ZNF789: variants seen among roughly 807,000 people sequenced by gnomAD.
ZNF789 encodes the protein zinc finger protein 789.
A neutral mutation model predicts 15.6 loss-of-function variants in ZNF789; 11 were observed. The observed-to-expected ratio is 0.70, with a 90% CI of 0.44 to 1.16. The LOEUF (loss-of-function observed/expected upper bound fraction) is 1.16, where lower values mean the gene tolerates loss of function less well. Ranked by LOEUF, ZNF789 falls within the 50% of genes most tolerant of loss-of-function variation. The pLI is 0.00. For missense variants in ZNF789, 461 were observed against 512.6 expected, an observed-to-expected ratio of 0.90 and a Z score of 0.97; for synonymous variants, 159 against 176.0, an observed-to-expected ratio of 0.90 and a Z score of 0.76.
In ZNF789 at chr7:99,484,128, G is replaced by C. The variant is rs141990082; in HGVS notation, c.250G>C (p.Gly84Arg). The C allele has an allele frequency of 6.2e-7, 1 of 1,613,824 alleles. No individual in the cohort carries two copies. The highest frequency in any genetic ancestry group is 1.3e-5 in the African/African-American group (1 of 74,878). ...LPRTGNRKAS[G>R]SACPGSEARH... ...GAGAACTGGGAATAGGAAGGCTTCC[G>C]GTAGTGCTTGCCCAGGTGGGTGAGG... The change falls in exon 4 of 5, where the codon GGT becomes CGT. Residue 84 changes from glycine (G) to arginine (R), a missense_variant. Transcript: ENST00000331410.
intron 3 of ZNF789, among the ~76,000 whole-genome samples, chr7:99,482,779 C>T (rs905481410): frequency 6.6e-6 from 1 of 151,948 alleles, no homozygotes; most frequent in African/African-American, 2.4e-5. Flanking sequence ...CACTTGAACC[C>T]GGGAGGCGGA....
Position 99,487,308 on chromosome 7 carries a change from G to A in ZNF789, c.1098G>A (p.Glu366=). 1 of 1,614,196 alleles carries A rather than the reference G, an allele frequency of 6.2e-7. No homozygotes were observed. The highest frequency in any genetic ancestry group is 8.5e-7 in the Non-Finnish European group (1 of 1,180,030). ...AGCATCAAAGAATCCATACAAAGGAGGAATTCTTTCAATGTGGAGAATGTG... is the reference window on the plus strand; with the variant it reads ...AGCATCAAAGAATCCATACAAAGGAAGAATTCTTTCAATGTGGAGAATGTG... ...LIQHQRIHTK[E]EFFQCGECGK... The change falls in exon 5 of 5, where the codon GAG becomes GAA. Residue 366 remains glutamate, a synonymous_variant. Coordinates refer to ENST00000331410, the MANE Select transcript of ZNF789 (RefSeq NM_213603.3).
At position 99,484,023 on chromosome 7, in the gene ZNF789, T is replaced by C; in HGVS notation, c.152-7T>C. 1.2e-6 allele frequency: 2 copies of C among 1,612,806 alleles called. No individual in the cohort carries two copies. The highest frequency in any genetic ancestry group is 1.7e-6 in the Non-Finnish European group (2 of 1,178,866). ...CGGCCACATCCCATTTACTTCCCCA[T>C]GAGTAGGATTTCAGTTTCCCAAACC... On this transcript the variant is annotated splice_region_variant and splice_polypyrimidine_tract_variant and intron_variant, in intron 3 of 4. Coordinates refer to ENST00000331410, the MANE Select transcript of ZNF789 (RefSeq NM_213603.3).
chr7:99,484,074 T>G lies in ZNF789; in HGVS notation c.196T>G (p.Trp66Gly). Residue 66 changes from tryptophan to glycine, a missense_variant, in exon 4 of 5, where the codon TGG (tryptophan) becomes GGG (glycine). Trp to Gly is a radical substitution (Grantham distance 184, BLOSUM62 -2). Transcript: ENST00000331410. Reference sequence around the variant, plus strand: ...TGAGATGATCTGTCAGCTGGAGAACTGGGACGAGCAGTGGATCCTGGATCT... The same window carrying G: ...TGAGATGATCTGTCAGCTGGAGAACGGGGACGAGCAGTGGATCCTGGATCT... The part of the protein sequence containing the change: ...KPEMICQLEN[W>G]DEQWILDLPR... 1 of 1,614,092 alleles carries G rather than the reference T, an allele frequency of 6.2e-7. No homozygotes were observed. The highest frequency in any genetic ancestry group is 8.5e-7 in the Non-Finnish European group (1 of 1,180,024).
At chr7:99,483,947 C>T (rs1799775680) in intron 3 of ZNF789, 83 bp from the exon 4 acceptor site, 1 of 1,054,828 alleles carries the variant, frequency 9.5e-7, no homozygotes, top group Non-Finnish European at 1.5e-6. Flanking sequence ...GATTATTGTC[C>T]TTATCTCTGC....
intron 4 of ZNF789, chr7:99,485,255 A>G: frequency 6.5e-7 from 1 of 1,528,358 alleles, no homozygotes; most frequent in Non-Finnish European, 8.8e-7. Flanking sequence ...GGCACTACTG[A>G]CGTTTTGGGC....
intron 3 of ZNF789, chr7:99,482,375 T>C (rs1799685916): frequency 6.1e-6 from 4 of 650,700 alleles, no homozygotes; most frequent in Admixed American, 2.4e-5. Context: ...ATTAACTGTG[T>C]GTTGTGCACC....
chr7:99,483,406 G>A (rs1799749063), intron 3 of ZNF789, among the ~76,000 whole-genome samples: 1 of 152,058 alleles, frequency 6.6e-6, no homozygotes, highest in African/African-American at 2.4e-5. Flanking sequence ...AAGGCGGGTG[G>A]ATCACCTGAG....
At chr7:99,475,319 C>A (rs1227366617) in intron 1 of ZNF789, among the ~76,000 whole-genome samples, 1 of 151,942 alleles carries the variant, frequency 6.6e-6, no homozygotes, top group Non-Finnish European at 1.5e-5. Flanking sequence ...CGCTTGAACC[C>A]AGGAGGCGGA....
In ZNF789 at chr7:99,472,905, G is replaced by A. The variant is rs1484743859; in HGVS notation, c.-206G>A. On this transcript the variant is annotated 5_prime_UTR_variant, in exon 1 of 5. Transcript: ENST00000331410. ...AGGTGGAGCCAGCGAGAGGCTCTGA[G>A]GCTGCCAGAGTGGTTGTGTCTGTTC... The A allele has an allele frequency of 6.6e-6, 1 of 152,404 alleles. No homozygotes were observed. The highest frequency in any genetic ancestry group is 2.4e-5 in the African/African-American group (1 of 41,480). The allele number at this position is 152,404 out of a possible 1,614,324, so 9.4% of individuals were successfully genotyped here. A position where few individuals can be genotyped will look rare whatever the true frequency, so the allele number is the denominator to read the frequency against.
intron 3 of ZNF789, among the ~76,000 whole-genome samples, chr7:99,482,516 TACAC>T (rs1010884375): frequency 6.6e-6 from 1 of 152,022 alleles, no homozygotes; most frequent in African/African-American, 2.4e-5. Flanking sequence ...TAATTACTTA[TACAC>T]ACACACACAT....
At chr7:99,479,050 G>C (rs901011809) in intron 2 of ZNF789, 1 of 152,548 alleles carries the variant, frequency 6.6e-6, no homozygotes, top group African/African-American at 2.4e-5. Flanking sequence ...TACCCCTTCA[G>C]ACCTAGCAGG....
Position 99,484,118 on chromosome 7 carries a change from G to T in ZNF789, c.240G>T (p.Arg80Ser). Residue 80 changes from arginine (R) to serine (S), a missense_variant, in exon 4 of 5, where the codon AGG becomes AGT. Physicochemically the swap from Arg to Ser is moderately radical, Grantham distance 110. Coordinates refer to ENST00000331410, the MANE Select transcript of ZNF789 (RefSeq NM_213603.3). Reference sequence around the variant, plus strand: ...TGGATCTACCGAGAACTGGGAATAGGAAGGCTTCCGGTAGTGCTTGCCCAG... The same window carrying T: ...TGGATCTACCGAGAACTGGGAATAGTAAGGCTTCCGGTAGTGCTTGCCCAG... ...WILDLPRTGN[R>S]KASGSACPGS... is the part of the protein sequence containing the mutation. The T allele has an allele frequency of 6.2e-7, 1 of 1,614,008 alleles. No individual in the cohort carries two copies. Among genetic ancestry groups the T allele is most frequent in the Admixed American group, 1.7e-5 (1 of 59,988 alleles).
intron 3 of ZNF789, chr7:99,482,149 C>A (rs1050487876): frequency 6.4e-6 from 5 of 779,330 alleles, no homozygotes; most frequent in Non-Finnish European, 9.6e-6. Context: ...TAATTGTTCC[C>A]TTTTGATATT....
intron 2 of ZNF789, among the ~76,000 whole-genome samples, chr7:99,477,231 C>T (rs1204603761): frequency 6.6e-6 from 1 of 151,606 alleles, no homozygotes; most frequent in Admixed American, 6.6e-5. Flanking sequence ...TTAGTAGAGA[C>T]GGGGTTTCAC....
chr7:99,476,564 T>C (rs1278040605), intron 2 of ZNF789, 84 bp downstream of exon 2: 3 of 1,550,478 alleles, frequency 1.9e-6, no homozygotes, highest in African/African-American at 1.4e-5. Flanking sequence ...TCTTGATCAA[T>C]GTGGGGAGTT....
At chr7:99,474,684 C>G (rs1799219292) in intron 1 of ZNF789, among the ~76,000 whole-genome samples, 1 of 151,934 alleles carries the variant, frequency 6.6e-6, no homozygotes, top group African/African-American at 2.4e-5. Flanking sequence ...GAGGTTTGGA[C>G]AAGTTTGGTG....
In ZNF789 at chr7:99,487,067, A is replaced by C. The variant is rs1412481427; in HGVS notation, c.857A>C (p.Lys286Thr). The C allele has an allele frequency of 8.1e-6, 13 of 1,614,008 alleles. No individual in the cohort carries two copies. Among genetic ancestry groups the C allele is most frequent in the Non-Finnish European group, 1.1e-5 (13 of 1,180,050 alleles). Residue 286 changes from lysine to threonine, a missense_variant, in exon 5 of 5, where the codon AAA becomes ACA. Coordinates refer to ENST00000331410, the MANE Select transcript of ZNF789 (RefSeq NM_213603.3). ...KRIHTKEKPYKCSKCEKTFSQ... is the reference protein window; with the variant it reads ...KRIHTKEKPYTCSKCEKTFSQ... ...ATTCACACCAAAGAAAAACCTTATAAATGTAGCAAATGTGAAAAAACGTTT... is the reference window on the plus strand; with the variant it reads ...ATTCACACCAAAGAAAAACCTTATACATGTAGCAAATGTGAAAAAACGTTT...
rs548405757 is a variant in ZNF789 at position 99,486,708 on chromosome 7, G to A, written c.498G>A (p.Ala166=). 3.0e-5 allele frequency: 49 copies of A among 1,614,170 alleles called. No individual in the cohort carries two copies. The highest frequency in any genetic ancestry group is 1.6e-4 in the Middle Eastern group (1 of 6,062). The part of the protein sequence containing the change: ...QNLNLIQDQN[A]QTRWKQGRYD... ...TTAACCTTATTCAAGATCAGAATGCGCAAACAAGGTGGAAGCAGGGCAGAT... is the reference window on the plus strand; with the variant it reads ...TTAACCTTATTCAAGATCAGAATGCACAAACAAGGTGGAAGCAGGGCAGAT... The change falls in exon 5 of 5, where the codon GCG becomes GCA. Residue 166 remains alanine (A), a synonymous_variant. Transcript: ENST00000331410.
Sources: allele counts gnomAD v4.1 joint callset (sites outside exome capture counted in the v4.1 genomes callset), GRCh38; gene constraint gnomAD v4.1.1; transcripts MANE v1.5; gene names NCBI Gene and HGNC (gene_info 2026-07-23, HGNC 2026-07-21).